VWA8: variants seen among roughly 807,000 people sequenced by gnomAD.
The protein encoded by VWA8 is von Willebrand factor A domain-containing protein 8.
In VWA8, 221 loss-of-function variants were observed where a neutral mutation model predicts 241.5. The observed-to-expected ratio is 0.91, with a 90% CI of 0.82 to 1.02. The LOEUF is 1.02. Ranked by LOEUF, VWA8 falls within the 50% of genes least tolerant of loss-of-function variation. The pLI, the probability that VWA8 is intolerant of heterozygous loss-of-function variation, is 0.00. For synonymous variants in VWA8, 852 were observed against 827.1 expected (o/e 1.03, Z -0.52); for missense variants, 2,322 against 2,328.7 (o/e 1.00, Z 0.06).
chr13:41,709,102 A>G (rs1315761245), intron 26 of VWA8, among the ~76,000 whole-genome samples: 1 of 152,192 alleles, frequency 6.6e-6, no homozygotes, highest in African/African-American at 2.4e-5. Flanking sequence ...CCAGAGAAAA[A>G]TTTCCTGTAT....
intron 36 of VWA8, 66 bp from the exon 37 acceptor site, chr13:41,671,213 C>T (rs368335023): frequency 2.0e-5 from 31 of 1,522,870 alleles, no homozygotes; most frequent in East Asian, 1.4e-4. Flanking sequence ...TGACACTGCA[C>T]ATTGTAATGT....
rs544658851 is a variant in VWA8, at chr13:41,745,491, G to T, written c.2427-13336C>A. 2.8e-4 allele frequency among the ~76,000 whole-genome samples: 42 copies of T among 152,180 alleles called. No homozygotes were observed. The South Asian group carries it at 8.5e-3, about 31-fold the overall frequency. ...AGGGCTAATATCCAGAATCTACAAA[G>T]AACTTAAACAAATTTACAAGAAAAA... On this transcript the variant is annotated intron_variant, in intron 21 of 44. Transcript: ENST00000379310.
chr13:41,680,204 T>C (rs1289860724), intron 35 of VWA8, among the ~76,000 whole-genome samples: 1 of 152,140 alleles, frequency 6.6e-6, no homozygotes, highest in Admixed American at 6.6e-5. Context: ...GCATCATGTT[T>C]TGTTTGTTTA....
At chr13:41,869,959 C>G (rs1873513212) in intron 9 of VWA8, among the ~76,000 whole-genome samples, 1 of 152,092 alleles carries the variant, frequency 6.6e-6, no homozygotes, top group African/African-American at 2.4e-5. Context: ...AACAGATCAT[C>G]ATGTATTCAG....
chr13:41,654,522 G>A (rs2044889338), intron 37 of VWA8, among the ~76,000 whole-genome samples: 5 of 152,148 alleles, frequency 3.3e-5, no homozygotes. Flanking sequence ...TCATAAGGAG[G>A]ACACAATTTA....
chr13:41,886,159 G>A, intron 7 of VWA8, 131 bp from the exon 8 acceptor site: 1 of 641,432 alleles, frequency 1.6e-6, no homozygotes, highest in Non-Finnish European at 2.6e-6. Context: ...AGGAACAATG[G>A]TTCCGCATCA....
chr13:41,811,461 G>T, intron 16 of VWA8, 121 bp from the exon 17 acceptor site: 1 of 544,402 alleles, frequency 1.8e-6, no homozygotes, highest in Non-Finnish European at 3.1e-6. Context: ...TAAAGTATGT[G>T]CTGTTAATTA....
At chr13:41,811,853 C>A (rs1463482708) in intron 16 of VWA8, among the ~76,000 whole-genome samples, 2 of 152,198 alleles carry the variant, frequency 1.3e-5, no homozygotes, top group Admixed American at 6.5e-5. Flanking sequence ...TTCCCCTATG[C>A]TGTCAGAATA....
intron 12 of VWA8, 172 bp downstream of exon 12, chr13:41,865,564 A>C (rs776009951): frequency 3.0e-6 from 2 of 673,674 alleles, no homozygotes; most frequent in Non-Finnish European, 4.8e-6. Context: ...ATGTACTTTC[A>C]AAAGCTCCAA....
At chr13:41,788,629 C>A (rs1593773738) in intron 17 of VWA8, among the ~76,000 whole-genome samples, 1 of 152,132 alleles carries the variant, frequency 6.6e-6, no homozygotes, top group South Asian at 2.1e-4. Flanking sequence ...CTGCCTCGTT[C>A]AAAAACCAAG....
At chr13:41,878,914 T>C (rs888849688) in intron 9 of VWA8, among the ~76,000 whole-genome samples, 50 of 152,340 alleles carry the variant, frequency 3.3e-4, no homozygotes, top group African/African-American at 1.1e-3. Flanking sequence ...TAAAGACCTT[T>C]GTTCATAACT....
chr13:41,884,095 G>C (rs989206653), intron 8 of VWA8, among the ~76,000 whole-genome samples: 1 of 152,150 alleles, frequency 6.6e-6, no homozygotes, highest in Admixed American at 6.5e-5. Flanking sequence ...AACATGATAT[G>C]AAGTGTGATA....
intron 21 of VWA8, among the ~76,000 whole-genome samples, chr13:41,733,153 G>A (rs577316296): frequency 6.6e-6 from 1 of 151,490 alleles, no homozygotes; most frequent in East Asian, 1.9e-4. Flanking sequence ...CTTGTGAAAT[G>A]TACACCAAAT....
intron 37 of VWA8, among the ~76,000 whole-genome samples, chr13:41,623,740 C>T (rs1190166372): frequency 6.6e-6 from 1 of 152,138 alleles, no homozygotes; most frequent in East Asian, 1.9e-4. Flanking sequence ...AGAGATTTCT[C>T]ACACAGGATC....
At chr13:41,889,311 T>C (rs1055454067) in intron 5 of VWA8, among the ~76,000 whole-genome samples, 3 of 152,050 alleles carry the variant, frequency 2.0e-5, no homozygotes, top group Non-Finnish European at 4.4e-5. Context: ...TTTATACTGA[T>C]ATTTACTTTG....
At chr13:41,930,259 C>A (rs897106487) in intron 2 of VWA8, among the ~76,000 whole-genome samples, 1 of 152,026 alleles carries the variant, frequency 6.6e-6, no homozygotes, top group East Asian at 1.9e-4. Flanking sequence ...GAAAAGAGTG[C>A]GCACTGTTGG....
chr13:41,727,973 A>G (rs2137859022), intron 23 of VWA8, among the ~76,000 whole-genome samples: 1 of 152,282 alleles, frequency 6.6e-6, no homozygotes, highest in East Asian at 1.9e-4. Flanking sequence ...CATTTCAGAT[A>G]GAATTGCAAG....
intron 2 of VWA8, among the ~76,000 whole-genome samples, chr13:41,943,051 CCA>C (rs1238831534): frequency 6.6e-6 from 1 of 152,186 alleles, no homozygotes; most frequent in East Asian, 1.9e-4. Flanking sequence ...CCCAGGTTTG[CCA>C]CAGTTTGTGA....
intron 26 of VWA8, among the ~76,000 whole-genome samples, chr13:41,713,653 C>T (rs563644008): frequency 6.9e-4 from 105 of 152,192 alleles, no homozygotes; most frequent in South Asian, 5.6e-3. Context: ...GTTTATCTGG[C>T]AAGAGCATTT....
Sources: gnomAD v4.1 joint callset for allele counts (sites outside exome capture counted in the v4.1 genomes callset) on GRCh38, gnomAD v4.1.1 for gene constraint, MANE v1.5 for transcripts, NCBI Gene and HGNC (gene_info 2026-07-23, HGNC 2026-07-21) for gene names.